PTPRD: variants seen among roughly 807,000 people sequenced by gnomAD.
PTPRD encodes receptor-type tyrosine-protein phosphatase delta.
A neutral mutation model predicts 214.5 loss-of-function variants in PTPRD; 34 were observed. The ratio of observed to expected loss-of-function variants is 0.16; its 90% CI spans 0.12 to 0.21. The LOEUF is 0.21. Ranked by LOEUF, PTPRD falls within the 10% of genes least tolerant of loss-of-function variation. The pLI, the probability that PTPRD is intolerant of heterozygous loss-of-function variation, is 1.00. For synonymous variants in PTPRD, 1,128 were observed against 845.7 expected (o/e 1.33, Z -5.79); for missense variants, 2,545 against 2,398.7 (o/e 1.06, Z -1.27).
chr9:9,113,229 C>G (rs557180396), intron 10 of PTPRD, among the ~76,000 whole-genome samples: 2 of 151,962 alleles, frequency 1.3e-5, no homozygotes, highest in Non-Finnish European at 2.9e-5. Context: ...TCTGCTTCAG[C>G]CCCCCGAGGT....
At chr9:8,586,315 T>TAAAA (rs1425036721) in intron 14 of PTPRD, among the ~76,000 whole-genome samples, 10 of 152,156 alleles carry the variant, frequency 6.6e-5, no homozygotes, top group African/African-American at 2.4e-4. Context: ...TAATAATAAT[T>TAAAA]TATAATATCT....
At chr9:8,920,858 GGCT>G (rs796617783) in intron 11 of PTPRD, among the ~76,000 whole-genome samples, 15 of 152,134 alleles carry the variant, frequency 9.9e-5, no homozygotes, top group African/African-American at 3.6e-4. Context: ...CTGTTGCCCA[GGCT>G]GCAGTGCAGT....
chr9:9,925,995 AT>A (rs537590857), intron 5 of PTPRD, among the ~76,000 whole-genome samples: 30 of 151,804 alleles, frequency 2.0e-4, no homozygotes, highest in African/African-American at 7.0e-4. Context: ...TGCCTAGAAA[AT>A]TTTTTTTAAG....
At chr9:9,583,740 C>A (rs2091345846) in intron 7 of PTPRD, among the ~76,000 whole-genome samples, 1 of 152,000 alleles carries the variant, frequency 6.6e-6, no homozygotes, top group South Asian at 2.1e-4. Flanking sequence ...TGGCAACATT[C>A]ATTTTCATTT....
At chr9:8,858,867 G>A (rs1261094669) in intron 11 of PTPRD, among the ~76,000 whole-genome samples, 1 of 150,874 alleles carries the variant, frequency 6.6e-6, no homozygotes, top group African/African-American at 2.4e-5. Context: ...ACACACCAGA[G>A]GAGGGGGCGG....
chr9:9,963,344 C>T (rs539261072), intron 4 of PTPRD, among the ~76,000 whole-genome samples: 3 of 152,194 alleles, frequency 2.0e-5, no homozygotes, highest in East Asian at 3.9e-4. Flanking sequence ...CCCTGTAAGT[C>T]CCATTAACAG....
chr9:9,803,694 C>CA (rs1388918598), intron 5 of PTPRD: 1 of 151,912 alleles, frequency 6.6e-6, no homozygotes, highest in East Asian at 1.9e-4. Context: ...TTTATAAATG[C>CA]ATTTTTTTCT....
At chr9:9,348,318 G>C (rs890413525) in intron 9 of PTPRD, among the ~76,000 whole-genome samples, 3 of 152,128 alleles carry the variant, frequency 2.0e-5, no homozygotes, top group Non-Finnish European at 2.9e-5. Flanking sequence ...CTAGAAAATA[G>C]TTTTCTACTT....
intron 7 of PTPRD, among the ~76,000 whole-genome samples, chr9:9,711,452 C>G (rs1030082545): frequency 2.0e-5 from 3 of 151,994 alleles, no homozygotes; most frequent in Non-Finnish European, 4.4e-5. Context: ...ATAACTCTGG[C>G]AACAATAACA....
intron 5 of PTPRD, among the ~76,000 whole-genome samples, chr9:9,893,977 G>A (rs1432439193): frequency 3.3e-5 from 5 of 151,970 alleles, no homozygotes; most frequent in Non-Finnish European, 1.5e-5. Context: ...CACACCCTGT[G>A]TTTGTTGTTG....
chr9:10,500,187 G>C (rs1003168132), intron 2 of PTPRD, among the ~76,000 whole-genome samples: 2 of 151,546 alleles, frequency 1.3e-5, no homozygotes, highest in Non-Finnish European at 3.0e-5. Context: ...ATTACATTTG[G>C]TTCTTGCAAG....
intron 5 of PTPRD, among the ~76,000 whole-genome samples, chr9:9,844,152 T>C (rs1030986854): frequency 6.6e-6 from 1 of 152,004 alleles, no homozygotes; most frequent in African/African-American, 2.4e-5. Context: ...TGCCTTAATT[T>C]TATTGTTTTT....
At chr9:8,780,925 T>C (rs909793191) in intron 11 of PTPRD, among the ~76,000 whole-genome samples, 5 of 152,204 alleles carry the variant, frequency 3.3e-5, no homozygotes, top group Admixed American at 1.3e-4. Flanking sequence ...AGATTTGCTA[T>C]TGATCAGCTG....
At chr9:9,718,584 CT>C (rs1564743905) in intron 7 of PTPRD, among the ~76,000 whole-genome samples, 1 of 152,234 alleles carries the variant, frequency 6.6e-6, no homozygotes, top group East Asian at 1.9e-4. Context: ...CCCCCTTCCC[CT>C]GCAGGCTCAG....
intron 3 of PTPRD, among the ~76,000 whole-genome samples, chr9:10,190,510 G>A: frequency 6.7e-6 from 1 of 149,708 alleles, no homozygotes; most frequent in East Asian, 2.0e-4. Flanking sequence ...CTGAGGTCAG[G>A]AGTTCAAGAC....
chr9:8,336,739 G>A (rs985775231), intron 43 of PTPRD, among the ~76,000 whole-genome samples: 1 of 150,942 alleles, frequency 6.6e-6, no homozygotes, highest in East Asian at 1.9e-4. Context: ...AATCTACAAA[G>A]AACTTAAACG....
chr9:9,211,172 C>T (rs2099948324), intron 9 of PTPRD, among the ~76,000 whole-genome samples: 1 of 151,950 alleles, frequency 6.6e-6, no homozygotes, highest in Admixed American at 6.6e-5. Flanking sequence ...CCATCTATGT[C>T]TCTTTTCATA....
At chr9:9,848,013 G>A (rs950820906) in intron 5 of PTPRD, among the ~76,000 whole-genome samples, 1 of 152,112 alleles carries the variant, frequency 6.6e-6, no homozygotes, top group Non-Finnish European at 1.5e-5. Flanking sequence ...TTCACAAGCA[G>A]CATTGAAGAC....
chr9:9,861,977 T>C (rs1394567484), intron 5 of PTPRD, among the ~76,000 whole-genome samples: 1 of 152,214 alleles, frequency 6.6e-6, no homozygotes, highest in East Asian at 1.9e-4. Flanking sequence ...TTTTTTATTA[T>C]GAGTAACAAT....
Sources: gnomAD v4.1 joint callset for allele counts (sites outside exome capture counted in the v4.1 genomes callset) on GRCh38, gnomAD v4.1.1 for gene constraint, MANE v1.5 for transcripts, NCBI Gene and HGNC (gene_info 2026-07-23, HGNC 2026-07-21) for gene names.